TULP4: variants seen among roughly 807,000 people sequenced by gnomAD.
TULP4 encodes the protein tubby-related protein 4.
In TULP4, 16 loss-of-function variants were observed where a neutral mutation model predicts 129.0. The ratio of observed to expected loss-of-function variants is 0.12; its 90% CI spans 0.08 to 0.19. The LOEUF is 0.19. TULP4 is among the 10% of genes least tolerant of loss of function. The pLI is 1.00. For missense variants in TULP4, 1,842 were observed against 2,059.1 expected, an observed-to-expected ratio of 0.89 and a Z score of 2.04; for synonymous variants, 998 against 854.0, an observed-to-expected ratio of 1.17 and a Z score of -2.94.
chr6:158,477,048 A>G lies in TULP4; in HGVS notation c.1027-2703A>G, dbSNP rs186177257. Reference sequence around the variant, plus strand: ...TAGAACGGATGCAGTGAATTCAGGTATGTGAGCATTTGATGTGCTTGCTGT... The same window carrying G: ...TAGAACGGATGCAGTGAATTCAGGTGTGTGAGCATTTGATGTGCTTGCTGT... On this transcript the variant is annotated intron_variant, in intron 6 of 13. Transcript: ENST00000367097. 2.1e-3 allele frequency among the ~76,000 whole-genome samples: 313 copies of G among 152,300 alleles called. 2 individuals carry two copies. Among genetic ancestry groups the G allele is most frequent in the African/African-American group, 7.0e-3 (290 of 41,576 alleles).
At chr6:158,410,012 C>T (rs539041479) in intron 1 of TULP4, among the ~76,000 whole-genome samples, 22 of 152,198 alleles carry the variant, frequency 1.4e-4, no homozygotes, top group African/African-American at 2.9e-4. Flanking sequence ...CCCGCCACCA[C>T]GCCCAGCTAG....
intron 1 of TULP4, 68 bp from the exon 2 acceptor site, chr6:158,412,997 C>T: frequency 6.4e-7 from 1 of 1,554,094 alleles, no homozygotes; most frequent in South Asian, 1.2e-5. Flanking sequence ...AGTCTGATCA[C>T]ATCACAGAAA....
At chr6:158,448,611 A>G (rs537953688) in intron 3 of TULP4, among the ~76,000 whole-genome samples, 30 of 152,336 alleles carry the variant, frequency 2.0e-4, no homozygotes, top group Admixed American at 1.0e-3. Context: ...TGAGAAAATA[A>G]TAACAACAAA....
At chr6:158,365,899 C>T (rs9688710) in intron 1 of TULP4, among the ~76,000 whole-genome samples, 531 of 57,522 alleles carry the variant, frequency 9.2e-3, no homozygotes, top group Middle Eastern at 0.034. Flanking sequence ...CTTTTTCTTT[C>T]TTTTTTTTTT....
At chr6:158,389,390 T>TG (rs1777534982) in intron 1 of TULP4, among the ~76,000 whole-genome samples, 1 of 152,162 alleles carries the variant, frequency 6.6e-6, no homozygotes, top group Admixed American at 6.5e-5. Flanking sequence ...AGGTGGATGT[T>TG]GCAGTGAGCC....
At chr6:158,377,031 C>A (rs1486033811) in intron 1 of TULP4, among the ~76,000 whole-genome samples, 1 of 152,166 alleles carries the variant, frequency 6.6e-6, no homozygotes, top group Non-Finnish European at 1.5e-5. Context: ...ATGTCTTTCT[C>A]ATTGATCTGG....
At chr6:158,238,907 A>C (rs1280427801) in intron 1 of TULP4, among the ~76,000 whole-genome samples, 1 of 118,196 alleles carries the variant, frequency 8.5e-6, no homozygotes, top group African/African-American at 2.9e-5. Context: ...CAAAGCCGCC[A>C]TTGTCATCCT....
intron 8 of TULP4, among the ~76,000 whole-genome samples, chr6:158,482,069 G>A (rs375095659): frequency 2.0e-5 from 3 of 152,326 alleles, no homozygotes; most frequent in East Asian, 1.9e-4. Flanking sequence ...ACGCTGCCCC[G>A]CTGAATCCTG....
rs778595442 is a variant in TULP4, at chr6:158,385,842, C to CTTTTTTTTTTTTTTT, written c.253-27217_253-27203dup. 6.3e-3 allele frequency among the ~76,000 whole-genome samples: 376 copies of CTTTTTTTTTTTTTTT among 59,572 alleles called. 76 individuals carry two copies. Among genetic ancestry groups the CTTTTTTTTTTTTTTT allele is most frequent in the African/African-American group, 0.019 (263 of 13,870 alleles). 39.1% of individuals were successfully genotyped at this position (59,572 alleles called of 152,430 possible). ...GGAAAAGTCTACAAATGTGGAATATCTTTTTTTTTTTTTTTTTTTTGAGAA... is the reference window on the plus strand; with the variant it reads ...GGAAAAGTCTACAAATGTGGAATATCTTTTTTTTTTTTTTTTTTTTTTTTTTTTTTTTTTTGAGAA... On this transcript the variant is annotated intron_variant, in intron 1 of 13. Coordinates refer to ENST00000367097, the MANE Select transcript of TULP4 (RefSeq NM_020245.5).
rs571129668 is a variant in TULP4 at position 158,499,651 on chromosome 6, G to T, written c.2014+839G>T. Among the ~76,000 whole-genome samples, 16 of 152,262 alleles carry T rather than the reference G, an allele frequency of 1.1e-4. No individual in the cohort carries two copies. In the South Asian group the frequency reaches 3.3e-3, roughly 32 times the overall value. On this transcript the variant is annotated intron_variant, in intron 12 of 13. Transcript: ENST00000367097. Reference sequence around the variant, plus strand: ...ACTTCCAACTAAGTGGGCTCTGGAAGTCTCTTGTTTCTGAGCTAGAGGAAC... The same window carrying T: ...ACTTCCAACTAAGTGGGCTCTGGAATTCTCTTGTTTCTGAGCTAGAGGAAC...
intron 5 of TULP4, 127 bp from the exon 6 acceptor site, chr6:158,461,436 C>T: frequency 1.1e-6 from 1 of 873,106 alleles, no homozygotes; most frequent in Non-Finnish European, 1.7e-6. Flanking sequence ...AGGAAAAAAC[C>T]ATGAATATAT....
chr6:158,470,822 T>A (rs972441064), intron 6 of TULP4, among the ~76,000 whole-genome samples: 3 of 152,208 alleles, frequency 2.0e-5, no homozygotes, highest in African/African-American at 7.2e-5. Flanking sequence ...AGCATTGTTC[T>A]AGGTGCTGGA....
chr6:158,507,034 C>G lies in TULP4; in HGVS notation c.*340C>G, dbSNP rs1312732222. On this transcript the variant is annotated 3_prime_UTR_variant, in exon 14 of 14. Transcript: ENST00000367097. ...TGAAGACAGTCTGCCTTAGAGCCTG[C>G]TATTCTTTTAGACATAGGGAGGATG... 1 of 260,718 alleles carries G rather than the reference C, an allele frequency of 3.8e-6. No homozygotes were observed. Among genetic ancestry groups the G allele is most frequent in the Admixed American group, 5.0e-5 (1 of 20,058 alleles). The allele number at this position is 260,718 out of a possible 1,614,324, so 16.2% of individuals were successfully genotyped here.
Position 158,493,735 on chromosome 6 carries a change from C to A in TULP4, c.1776+18C>A. 6.5e-7 allele frequency: 1 copy of A among 1,530,072 alleles called. No individual in the cohort carries two copies. Among genetic ancestry groups the A allele is most frequent in the Non-Finnish European group, 8.8e-7 (1 of 1,137,932 alleles). 94.8% of individuals were successfully genotyped at this position (1,530,072 alleles called of 1,614,324 possible). On this transcript the variant is annotated intron_variant, in intron 10 of 13. Coordinates refer to ENST00000367097, the MANE Select transcript of TULP4 (RefSeq NM_020245.5). The surrounding 1 kb of genome is among the most constrained non-coding windows in gnomAD (Gnocchi z 4.4). ...TCACTCAGGTAGGAGCCCCCAGTTACCCTGCCTTGCTCCCCTCCTCCTGGG... is the reference window on the plus strand; with the variant it reads ...TCACTCAGGTAGGAGCCCCCAGTTAACCTGCCTTGCTCCCCTCCTCCTGGG...
chr6:158,353,056 T>C (rs963601675), intron 1 of TULP4, among the ~76,000 whole-genome samples: 6 of 152,296 alleles, frequency 3.9e-5, no homozygotes, highest in Middle Eastern at 3.4e-3. Context: ...ATGAAAAAAG[T>C]TTTCAGGCCC....
chr6:158,494,980 C>A (rs909285396), intron 11 of TULP4, 134 bp downstream of exon 11: 1 of 653,660 alleles, frequency 1.5e-6, no homozygotes, highest in Non-Finnish European at 2.5e-6. Flanking sequence ...TACCTCTAAA[C>A]CTTAACTTCA....
chr6:158,280,220 T>TA (rs952033949), upstream of TULP4, among the ~76,000 whole-genome samples: 9 of 152,082 alleles, frequency 5.9e-5, no homozygotes, highest in Non-Finnish European at 1.3e-4. Flanking sequence ...TGAATACACT[T>TA]AAAAAAAACT....
chr6:158,387,478 AC>A (rs1777475845), intron 1 of TULP4, among the ~76,000 whole-genome samples: 1 of 152,224 alleles, frequency 6.6e-6, no homozygotes, highest in Non-Finnish European at 1.5e-5. Flanking sequence ...AACACCTTAT[AC>A]GTTTTACTTT....
chr6:158,465,213 C>T (rs1425290652), intron 6 of TULP4, among the ~76,000 whole-genome samples: 3 of 152,128 alleles, frequency 2.0e-5, no homozygotes, highest in Non-Finnish European at 4.4e-5. Context: ...AGGCCCATTC[C>T]GTAGGTTGGG....
Sources: allele counts gnomAD v4.1 joint callset (sites outside exome capture counted in the v4.1 genomes callset), GRCh38; gene constraint gnomAD v4.1.1; non-coding constraint Gnocchi (gnomAD v3.1); transcripts MANE v1.5; gene names NCBI Gene and HGNC (gene_info 2026-07-23, HGNC 2026-07-21).